Variants in PTPN4 observed in about 807,000 individuals in gnomAD.
PTPN4 encodes tyrosine-protein phosphatase non-receptor type 4.
In PTPN4, 49 loss-of-function variants were observed where a neutral mutation model predicts 135.5. That is an observed-to-expected ratio of 0.36 (90% CI 0.29 to 0.46). The LOEUF is 0.46. Ranked by LOEUF, PTPN4 falls within the 20% of genes least tolerant of loss-of-function variation. PTPN4 has a pLI of 1.00. For missense variants in PTPN4, 860 were observed against 1,101.0 expected (o/e 0.78, Z 3.10); for synonymous variants, 333 against 369.9 (o/e 0.90, Z 1.14).
At chr2:119,918,908 C>T (rs72838994) in intron 11 of PTPN4, among the ~76,000 whole-genome samples, 3,167 of 152,288 alleles carry the variant, frequency 0.021, 60 homozygotes, top group Non-Finnish European at 0.033. Flanking sequence ...TAGTGAATTA[C>T]TGCTTCATAA....
intron 10 of PTPN4, among the ~76,000 whole-genome samples, chr2:119,905,567 A>G (rs1478870787): frequency 6.6e-6 from 1 of 152,224 alleles, no homozygotes; most frequent in Non-Finnish European, 1.5e-5. Context: ...CAGATCATCT[A>G]GACAGAAAAC....
intron 1 of PTPN4, among the ~76,000 whole-genome samples, chr2:119,807,222 AAGATC>A (rs1312770203): frequency 6.6e-6 from 1 of 152,228 alleles, no homozygotes; most frequent in Non-Finnish European, 1.5e-5. Context: ...AGAAATAACT[AAGATC>A]AGAGCAGAAC....
chr2:119,851,623 G>T (rs1677592683), intron 2 of PTPN4, among the ~76,000 whole-genome samples: 1 of 152,106 alleles, frequency 6.6e-6, no homozygotes, highest in African/African-American at 2.4e-5. Flanking sequence ...TTTTCCAGTG[G>T]TGTGCCCTCG....
intron 2 of PTPN4, among the ~76,000 whole-genome samples, chr2:119,845,065 A>T (rs1466463337): frequency 0.022 from 3,252 of 149,252 alleles, 106 homozygotes; most frequent in African/African-American, 0.073. Flanking sequence ...GGCCCGGCCA[A>T]CACAGCGAAA....
At chr2:119,937,345 T>TA (rs1202434823) in intron 15 of PTPN4, among the ~76,000 whole-genome samples, 1 of 152,230 alleles carries the variant, frequency 6.6e-6, no homozygotes, top group African/African-American at 2.4e-5. Flanking sequence ...GTTTTTCACA[T>TA]ATACCTTTTT....
chr2:119,879,136 G>T (rs1378263381), intron 5 of PTPN4, among the ~76,000 whole-genome samples: 1 of 151,178 alleles, frequency 6.6e-6, no homozygotes, highest in African/African-American at 2.4e-5. Flanking sequence ...CGTGTTATAT[G>T]TATACACCTT....
intron 2 of PTPN4, among the ~76,000 whole-genome samples, chr2:119,853,381 G>A (rs1169137183): frequency 6.6e-6 from 1 of 151,962 alleles, no homozygotes; most frequent in African/African-American, 2.4e-5. Context: ...TCTTAGATTT[G>A]TGGCATTTTC....
chr2:119,816,727 C>T (rs527801639), intron 2 of PTPN4, among the ~76,000 whole-genome samples: 8 of 152,260 alleles, frequency 5.3e-5, no homozygotes, highest in African/African-American at 1.9e-4. Context: ...ACTCCATAAT[C>T]TCATTTTGGT....
chr2:119,850,926 T>A, intron 2 of PTPN4, among the ~76,000 whole-genome samples: 1 of 152,210 alleles, frequency 6.6e-6, no homozygotes, highest in East Asian at 1.9e-4. Flanking sequence ...ATTGCTCAGT[T>A]CCCTTGCTAC....
intron 2 of PTPN4, among the ~76,000 whole-genome samples, chr2:119,826,147 G>T (rs541745831): frequency 1.3e-5 from 2 of 152,316 alleles, no homozygotes; most frequent in East Asian, 3.9e-4. Flanking sequence ...GAGAAACACA[G>T]TTGGGAGAGA....
intron 3 of PTPN4, among the ~76,000 whole-genome samples, chr2:119,872,995 T>G (rs1204672647): frequency 1.3e-5 from 2 of 152,174 alleles, no homozygotes; most frequent in African/African-American, 4.8e-5. Flanking sequence ...TAAATTACTT[T>G]ATTGATTGAT....
intron 10 of PTPN4, among the ~76,000 whole-genome samples, chr2:119,914,294 C>T (rs957422922): frequency 7.5e-6 from 1 of 133,014 alleles, no homozygotes; most frequent in Non-Finnish European, 1.5e-5. Context: ...GAAATAATGC[C>T]CTCTCTCTAT....
Position 119,882,630 on chromosome 2 carries a change from G to GT in PTPN4, c.587+13dup, listed in dbSNP as rs1280241365. The GT allele has an allele frequency of 1.3e-6, 2 of 1,493,322 alleles. No homozygotes were observed. Among genetic ancestry groups the GT allele is most frequent in the South Asian group, 2.5e-5 (2 of 79,604 alleles). 92.5% of individuals were successfully genotyped at this position (1,493,322 alleles called of 1,614,324 possible). On this transcript the variant is annotated splice_region_variant and intron_variant, in intron 8 of 26. Transcript: ENST00000263708. The stretch of plus-strand genomic sequence containing the variant: ...AATTACATCAGCAACACATGTAAGA[G>GT]TTTTTTAGTTTTTTATTTGATAAAC...
At position 119,938,082 on chromosome 2, in the gene PTPN4, C is replaced by T. The variant is rs10182854; in HGVS notation, c.1355+3124C>T. ...GCCATCTTTCCTTTCTCTTAACAAC[C>T]GAAAGTTAACACGAATAGTACTTTT... On this transcript the variant is annotated intron_variant, in intron 15 of 26. Transcript: ENST00000263708. Among the ~76,000 whole-genome samples, 404 of 151,300 alleles carry T rather than the reference C, an allele frequency of 2.7e-3. 1 individual carries two copies. The highest frequency in any genetic ancestry group is 9.4e-3 in the African/African-American group (386 of 41,260).
intron 18 of PTPN4, among the ~76,000 whole-genome samples, chr2:119,951,115 G>A (rs565241119): frequency 6.6e-6 from 1 of 152,316 alleles, no homozygotes; most frequent in African/African-American, 2.4e-5. Context: ...GTACAGCTTA[G>A]AATACCAAAT....
At chr2:119,891,473 C>T (rs931192399) in intron 9 of PTPN4, among the ~76,000 whole-genome samples, 5 of 152,180 alleles carry the variant, frequency 3.3e-5, no homozygotes, top group African/African-American at 1.2e-4. Flanking sequence ...CTGGCGCACG[C>T]CACCATGCCT....
At chr2:119,794,052 T>C (rs1479026168) in intron 1 of PTPN4, among the ~76,000 whole-genome samples, 1 of 152,012 alleles carries the variant, frequency 6.6e-6, no homozygotes, top group Non-Finnish European at 1.5e-5. Context: ...TTTGCCATAT[T>C]GTCCAGGCTG....
intron 25 of PTPN4, among the ~76,000 whole-genome samples, chr2:119,967,406 A>G (rs1679460967): frequency 6.6e-6 from 1 of 151,972 alleles, no homozygotes; most frequent in African/African-American, 2.4e-5. Context: ...CCGAGATCGC[A>G]CCACTGCACT....
chr2:119,813,458 G>T (rs888506226), intron 2 of PTPN4, among the ~76,000 whole-genome samples: 1 of 151,770 alleles, frequency 6.6e-6, no homozygotes, highest in South Asian at 2.1e-4. Context: ...TGTTGGTCAG[G>T]CTGGTCTTGA....
Sources: allele counts gnomAD v4.1 joint callset (sites outside exome capture counted in the v4.1 genomes callset), GRCh38; gene constraint gnomAD v4.1.1; transcripts MANE v1.5; gene names NCBI Gene and HGNC (gene_info 2026-07-23, HGNC 2026-07-21).